CCDC88C: variants seen among roughly 807,000 people sequenced by gnomAD.
CCDC88C encodes protein Daple.
CCDC88C carries 131 observed loss-of-function variants against 198.8 expected under a neutral mutation model. The observed-to-expected ratio is 0.66, with a 90% confidence interval of 0.57 to 0.76. The LOEUF (loss-of-function observed/expected upper bound fraction) is 0.76. Among genes scored for constraint, CCDC88C ranks in the 30% least tolerant of loss-of-function variants. The pLI, the probability that CCDC88C is intolerant of heterozygous loss-of-function variation, is 0.00. For missense variants in CCDC88C, 2,553 were observed against 2,631.6 expected (o/e 0.97, Z 0.65); for synonymous variants, 1,166 against 1,114.7 (o/e 1.05, Z -0.92).
chr14:91,378,700 T>C (rs1242130535), intron 3 of CCDC88C: 2 of 152,284 alleles, frequency 1.3e-5, no homozygotes, highest in Non-Finnish European at 2.9e-5. Context: ...GTCATTGTAG[T>C]TGCTTTTAAC....
At chr14:91,397,258 C>G (rs1885902213) in intron 3 of CCDC88C, among the ~76,000 whole-genome samples, 1 of 152,068 alleles carries the variant, frequency 6.6e-6, no homozygotes, top group South Asian at 2.1e-4. Flanking sequence ...AAGGGGACAG[C>G]CACAGGGGCC....
At chr14:91,382,037 G>A (rs1408706513) in intron 3 of CCDC88C, among the ~76,000 whole-genome samples, 1 of 152,092 alleles carries the variant, frequency 6.6e-6, no homozygotes, top group Non-Finnish European at 1.5e-5. Context: ...AGTAGAAAGA[G>A]CACTGGGTTG....
intron 20 of CCDC88C, 105 bp from the exon 21 acceptor site, chr14:91,300,175 C>T: frequency 6.8e-7 from 1 of 1,462,914 alleles, no homozygotes; most frequent in Non-Finnish European, 9.2e-7. Context: ...AAATGGGATT[C>T]CTCTGGAGAG....
At chr14:91,285,682 A>G in intron 25 of CCDC88C, 1 of 1,288,742 alleles carries the variant, frequency 7.8e-7, no homozygotes, top group Non-Finnish European at 1.0e-6. Flanking sequence ...AGAAATCTCC[A>G]ATGTCGGAGA....
chr14:91,399,984 T>C (rs1886078147), intron 3 of CCDC88C, among the ~76,000 whole-genome samples: 1 of 151,364 alleles, frequency 6.6e-6, no homozygotes, highest in Non-Finnish European at 1.5e-5. Flanking sequence ...CAGGTGCCGC[T>C]CTTCCCCAGA....
intron 3 of CCDC88C, among the ~76,000 whole-genome samples, chr14:91,395,276 G>T (rs1885776962): frequency 6.6e-6 from 1 of 152,134 alleles, no homozygotes; most frequent in African/African-American, 2.4e-5. Flanking sequence ...AGGTGAACAA[G>T]TACGTCCCCT....
chr14:91,357,832 G>C (rs1195130883), intron 4 of CCDC88C, among the ~76,000 whole-genome samples: 2 of 152,236 alleles, frequency 1.3e-5, no homozygotes, highest in Non-Finnish European at 2.9e-5. Context: ...CCTTCTCTGG[G>C]GGAGCCATGA....
chr14:91,315,274 G>A (rs530024657), intron 14 of CCDC88C, among the ~76,000 whole-genome samples: 2 of 152,248 alleles, frequency 1.3e-5, no homozygotes, highest in South Asian at 2.1e-4. Flanking sequence ...AAACCACACG[G>A]ATTTGCCAGG....
chr14:91,338,640 C>A lies in CCDC88C; in HGVS notation c.810-70G>T. On this transcript the variant is annotated intron_variant, in intron 8 of 29. Coordinates refer to ENST00000389857, the MANE Select transcript of CCDC88C (RefSeq NM_001080414.4). This position sits in a 1 kb window ranked among gnomAD's most constrained non-coding sequence, Gnocchi z 4.8. ...AACAAGCAGCCCTGGGAGCAGGCTG[C>A]CACTTCCTAAAACCTGTGGGAAAAG... 8.4e-7 allele frequency: 1 copy of A among 1,190,296 alleles called. No homozygotes were observed. The highest frequency in any genetic ancestry group is 1.2e-6 in the Non-Finnish European group (1 of 820,170). The allele number at this position is 1,190,296 out of a possible 1,614,324, so 73.7% of individuals were successfully genotyped here. A position where few individuals can be genotyped will look rare whatever the true frequency, so the allele number is the denominator to read the frequency against.
rs376702299 is a variant in CCDC88C, at chr14:91,309,609, CAAAAAAAAA to C, written c.2864+241_2864+249del. Among the ~76,000 whole-genome samples the C allele has an allele frequency of 2.6e-5, 3 of 114,414 alleles. No homozygotes were observed. In the South Asian group the frequency reaches 8.7e-4, roughly 33 times the overall value. The allele number at this position is 114,414 out of a possible 152,430, so 75.1% of individuals were successfully genotyped here. A position where few individuals can be genotyped will look rare whatever the true frequency, so the allele number is the denominator to read the frequency against. The stretch of plus-strand genomic sequence containing the variant: ...TGGACAACAGAGCCAGACCCTGTCT[CAAAAAAAAA>C]AAAAAAAAAATTAAGAAGCTTTTTC... On this transcript the variant is annotated intron_variant, in intron 16 of 29. Coordinates refer to ENST00000389857, the MANE Select transcript of CCDC88C (RefSeq NM_001080414.4).
intron 3 of CCDC88C, among the ~76,000 whole-genome samples, chr14:91,374,242 T>C (rs1472864147): frequency 6.6e-6 from 1 of 152,236 alleles, no homozygotes; most frequent in Non-Finnish European, 1.5e-5. Flanking sequence ...GCATGCTGCA[T>C]AAACCAGGAG....
rs527560490 is a variant in CCDC88C at position 91,315,993 on chromosome 14, T to TC, written c.1528-207dup. ...GTCACCAGGAAGCAAACCATCACCA[T>TC]CCCCCCAGCGTCCCTCTGCCCCATC... On this transcript the variant is annotated intron_variant, in intron 13 of 29. Coordinates refer to ENST00000389857, the MANE Select transcript of CCDC88C (RefSeq NM_001080414.4). The TC allele has an allele frequency of 6.1e-4, 327 of 535,692 alleles. 1 individual carries two copies. The highest frequency in any genetic ancestry group is 5.2e-3 in the African/African-American group (270 of 52,358). The allele number at this position is 535,692 out of a possible 1,614,324, so 33.2% of individuals were successfully genotyped here. A position where few individuals can be genotyped will look rare whatever the true frequency, so the allele number is the denominator to read the frequency against.
chr14:91,302,796 G>A (rs1891358887), intron 20 of CCDC88C, among the ~76,000 whole-genome samples: 1 of 152,174 alleles, frequency 6.6e-6, no homozygotes, highest in East Asian at 1.9e-4. Context: ...AAAAAAGCAA[G>A]CGAGACCTTG....
intron 25 of CCDC88C, among the ~76,000 whole-genome samples, chr14:91,287,226 G>A (rs1890447887): frequency 6.6e-6 from 1 of 152,156 alleles, no homozygotes; most frequent in Admixed American, 6.5e-5. Context: ...AAAAAGTTAA[G>A]CTTCTCATTT....
intron 3 of CCDC88C, among the ~76,000 whole-genome samples, chr14:91,367,988 C>T (rs1286100279): frequency 1.3e-5 from 2 of 152,134 alleles, no homozygotes; most frequent in African/African-American, 4.8e-5. Flanking sequence ...CTTCCTCAGC[C>T]CCCTTCTGCG....
intron 3 of CCDC88C, among the ~76,000 whole-genome samples, chr14:91,362,457 G>C (rs185025891): frequency 1.3e-5 from 2 of 152,090 alleles, no homozygotes; most frequent in African/African-American, 2.4e-5. Context: ...GAAATAATCT[G>C]AAGGTCACTG....
In CCDC88C at chr14:91,313,958, A is replaced by G. The variant is rs1453004403; in HGVS notation, c.1858T>C (p.Leu620=). 1 of 1,613,244 alleles carries G rather than the reference A, an allele frequency of 6.2e-7. No homozygotes were observed. Among genetic ancestry groups the G allele is most frequent in the Non-Finnish European group, 8.5e-7 (1 of 1,179,754 alleles). ...EFEKRQLHRD[L]EQAKEKGERA... ...TCCCCCTTCTCCTTGGCCTGCTCCAAGTCCCTGTGCAGCTGCCGCTTCTCA... is the reference window on the plus strand; with the variant it reads ...TCCCCCTTCTCCTTGGCCTGCTCCAGGTCCCTGTGCAGCTGCCGCTTCTCA... The change falls in exon 15 of 30, where the codon TTG becomes CTG. Residue 620 remains leucine, a synonymous_variant. Transcript: ENST00000389857. The surrounding 1 kb of genome is among the most constrained non-coding windows in gnomAD (Gnocchi z 5.2).
chr14:91,376,814 A>G (rs1049898932), intron 3 of CCDC88C, among the ~76,000 whole-genome samples: 1 of 152,194 alleles, frequency 6.6e-6, no homozygotes, highest in Non-Finnish European at 1.5e-5. Flanking sequence ...CGAGGTAGGA[A>G]AGGATGTCTG....
rs1893234184 is a variant in CCDC88C at position 91,339,854 on chromosome 14, G to A, written c.624+30C>T. The A allele has an allele frequency of 1.9e-6, 3 of 1,560,854 alleles. No homozygotes were observed. Among genetic ancestry groups the A allele is most frequent in the African/African-American group, 1.4e-5 (1 of 73,450 alleles). Reference sequence around the variant, plus strand: ...TGAAGGGGCCTAAGCCCCTTCCCAGGCTGACCGGGCCACCGACCCGCGGAC... The same window carrying A: ...TGAAGGGGCCTAAGCCCCTTCCCAGACTGACCGGGCCACCGACCCGCGGAC... On this transcript the variant is annotated intron_variant, in intron 7 of 29. Coordinates refer to ENST00000389857, the MANE Select transcript of CCDC88C (RefSeq NM_001080414.4). This position sits in a 1 kb window ranked among gnomAD's most constrained non-coding sequence, Gnocchi z 5.8.
Sources: allele counts gnomAD v4.1 joint callset (sites outside exome capture counted in the v4.1 genomes callset), GRCh38; gene constraint gnomAD v4.1.1; non-coding constraint Gnocchi (gnomAD v3.1); transcripts MANE v1.5; gene names NCBI Gene and HGNC (gene_info 2026-07-23, HGNC 2026-07-21).